Variants in GARRE1 observed in about 807,000 individuals in gnomAD.
The protein encoded by GARRE1 is granule associated Rac and RHOG effector protein 1.
In GARRE1, 49 loss-of-function variants were observed where a neutral mutation model predicts 103.2. That is an observed-to-expected ratio of 0.47 (90% CI 0.38 to 0.60). The LOEUF (loss-of-function observed/expected upper bound fraction) is 0.60. GARRE1 is among the 20% of genes least tolerant of loss of function. The pLI is 0.00. For missense variants in GARRE1, 1,199 were observed against 1,370.5 expected (o/e 0.87, Z 1.98); for synonymous variants, 505 against 532.8 (o/e 0.95, Z 0.72).
chr19:34,311,623 C>G (rs887825499), intron 2 of GARRE1, among the ~76,000 whole-genome samples: 3 of 151,992 alleles, frequency 2.0e-5, no homozygotes, highest in African/African-American at 4.8e-5. Flanking sequence ...TCTTTTCCCC[C>G]CTCTGAGATG....
chr19:34,320,857 G>T (rs902110699), intron 3 of GARRE1, among the ~76,000 whole-genome samples: 1 of 150,214 alleles, frequency 6.7e-6, no homozygotes, highest in African/African-American at 2.4e-5. Context: ...CAAGTAGCTG[G>T]GACTACAGGC....
chr19:34,268,811 A>G (rs1211267460), intron 1 of GARRE1, among the ~76,000 whole-genome samples: 1 of 152,202 alleles, frequency 6.6e-6, no homozygotes, highest in Admixed American at 6.5e-5. Flanking sequence ...GAAGAAAGAA[A>G]AAAGAAATTG....
At chr19:34,314,078 G>A (rs1237303821) in intron 2 of GARRE1, among the ~76,000 whole-genome samples, 1 of 152,134 alleles carries the variant, frequency 6.6e-6, no homozygotes, top group Non-Finnish European at 1.5e-5. Flanking sequence ...TGGGATTACA[G>A]GCATGAGCCA....
chr19:34,348,663 T>C lies in GARRE1; in HGVS notation c.2688-353T>C, dbSNP rs189074625. The C allele has an allele frequency of 5.3e-5, 9 of 168,250 alleles. No individual in the cohort carries two copies. In the East Asian group the frequency reaches 1.3e-3, roughly 24 times the overall value. 10.4% of individuals were successfully genotyped at this position (168,250 alleles called of 1,614,324 possible). On this transcript the variant is annotated intron_variant, in intron 11 of 13. Coordinates refer to ENST00000299505, the MANE Select transcript of GARRE1 (RefSeq NM_014686.5). ...TACATGTGCAGGATGTGCAGGTTTG[T>C]TGCAAAGGTTAATGTGTGCCATGGT... is the stretch of plus-strand genomic sequence containing the variant.
At chr19:34,344,524 G>A (rs2074201429) in intron 10 of GARRE1, among the ~76,000 whole-genome samples, 1 of 149,224 alleles carries the variant, frequency 6.7e-6, no homozygotes. Flanking sequence ...CCGGGAGGCG[G>A]AGCTTGCAGT....
intron 1 of GARRE1, among the ~76,000 whole-genome samples, chr19:34,263,281 T>TAGATAGAA (rs938222588): frequency 4.0e-5 from 6 of 151,324 alleles, no homozygotes; most frequent in African/African-American, 1.5e-4. Context: ...GATAGATAGA[T>TAGATAGAA]AGATAGATAG....
At chr19:34,329,431 G>A (rs140229143) in intron 6 of GARRE1, among the ~76,000 whole-genome samples, 1,784 of 152,216 alleles carry the variant, frequency 0.012, 15 homozygotes, top group Non-Finnish European at 0.015. Flanking sequence ...GTATATTATC[G>A]CATATGTATC....
intron 1 of GARRE1, among the ~76,000 whole-genome samples, chr19:34,259,562 A>C (rs2073701464): frequency 6.6e-6 from 1 of 152,254 alleles, no homozygotes; most frequent in African/African-American, 2.4e-5. Flanking sequence ...GGGAGTCACC[A>C]AGTAACCTCT....
intron 8 of GARRE1, among the ~76,000 whole-genome samples, chr19:34,337,628 GT>G (rs2074167368): frequency 6.6e-6 from 1 of 152,108 alleles, no homozygotes; most frequent in Admixed American, 6.5e-5. Context: ...AAGGAATTGG[GT>G]TTTTATCTAA....
intron 2 of GARRE1, among the ~76,000 whole-genome samples, chr19:34,303,079 G>A (rs1010663051): frequency 2.0e-5 from 3 of 152,090 alleles, no homozygotes; most frequent in Admixed American, 1.3e-4. Flanking sequence ...TATTCTTTTA[G>A]GGCTCTAGAT....
chr19:34,300,451 G>A lies in GARRE1; in HGVS notation c.-23G>A. The A allele has an allele frequency of 6.5e-7, 1 of 1,528,556 alleles. No individual in the cohort carries two copies. The highest frequency in any genetic ancestry group is 8.8e-7 in the Non-Finnish European group (1 of 1,135,506). The allele number at this position is 1,528,556 out of a possible 1,614,324, so 94.7% of individuals were successfully genotyped here. On this transcript the variant is annotated 5_prime_UTR_variant, in exon 2 of 14. Coordinates refer to ENST00000299505, the MANE Select transcript of GARRE1 (RefSeq NM_014686.5). ...TCAGAACCCTGACCCACTTACGGTT[G>A]CTGGGACAATTCCCCCTCCCGCATG...
chr19:34,272,105 G>A (rs2073791750), intron 1 of GARRE1, among the ~76,000 whole-genome samples: 1 of 152,222 alleles, frequency 6.6e-6, no homozygotes, highest in Non-Finnish European at 1.5e-5. Context: ...CTAGACAACA[G>A]GACGGGGACC....
intron 2 of GARRE1, among the ~76,000 whole-genome samples, chr19:34,308,448 A>G (rs1011663042): frequency 6.6e-6 from 1 of 152,156 alleles, no homozygotes; most frequent in Non-Finnish European, 1.5e-5. Context: ...ATTTCAGGTC[A>G]GTGTTTTTGG....
chr19:34,300,878 A>T lies in GARRE1; in HGVS notation c.405A>T (p.Ile135=). The part of the protein sequence containing the change: ...MEAASRLTSA[I]KPEIAKMLME... ...CAGCCAGTCGGCTGACCTCGGCCATAAAGCCTGAGATCGCCAAGATGCTAA... is the reference window on the plus strand; with the variant it reads ...CAGCCAGTCGGCTGACCTCGGCCATTAAGCCTGAGATCGCCAAGATGCTAA... The change falls in exon 2 of 14, where the codon ATA becomes ATT. Residue 135 remains isoleucine (I), a synonymous_variant. Coordinates refer to ENST00000299505, the MANE Select transcript of GARRE1 (RefSeq NM_014686.5). 2 of 1,612,700 alleles carry T rather than the reference A, an allele frequency of 1.2e-6. No homozygotes were observed. The highest frequency in any genetic ancestry group is 2.2e-5 in the South Asian group (2 of 91,090).
chr19:34,336,536 C>T (rs1296333546), intron 8 of GARRE1, among the ~76,000 whole-genome samples: 3 of 147,330 alleles, frequency 2.0e-5, no homozygotes, highest in African/African-American at 5.0e-5. Flanking sequence ...GGTGTTGTCT[C>T]GGCTCACTGC....
At chr19:34,297,013 A>G (rs533871213) in intron 1 of GARRE1, among the ~76,000 whole-genome samples, 1 of 152,286 alleles carries the variant, frequency 6.6e-6, no homozygotes, top group East Asian at 1.9e-4. Context: ...TGAGGCCGGC[A>G]TGGTGGCTCA....
At chr19:34,315,010 A>G (rs2074053745) in intron 2 of GARRE1, among the ~76,000 whole-genome samples, 1 of 152,224 alleles carries the variant, frequency 6.6e-6, no homozygotes, top group Admixed American at 6.5e-5. Flanking sequence ...TTTAAGGTAT[A>G]AATGAGTATT....
intron 1 of GARRE1, among the ~76,000 whole-genome samples, chr19:34,286,565 C>G (rs529055683): frequency 5.6e-4 from 79 of 141,706 alleles, no homozygotes; most frequent in African/African-American, 2.0e-3. Context: ...GAGTCTGGCT[C>G]TGTCGCCCAG....
chr19:34,262,701 A>G (rs1158932619), intron 1 of GARRE1, among the ~76,000 whole-genome samples: 1 of 152,186 alleles, frequency 6.6e-6, no homozygotes, highest in African/African-American at 2.4e-5. Flanking sequence ...GTCCAAGCAC[A>G]CTAAGATCCT....
Sources: gnomAD v4.1 joint callset for allele counts (sites outside exome capture counted in the v4.1 genomes callset) on GRCh38, gnomAD v4.1.1 for gene constraint, MANE v1.5 for transcripts, NCBI Gene and HGNC (gene_info 2026-07-23, HGNC 2026-07-21) for gene names.